The following PCDH15 variants were observed in gnomAD, a reference collection of about 807,000 sequenced individuals.
PCDH15 encodes the protein protocadherin-15.
In PCDH15, 129 loss-of-function variants were observed where a neutral mutation model predicts 178.5. The ratio of observed to expected loss-of-function variants is 0.72; its 90% confidence interval spans 0.63 to 0.84. PCDH15 has a LOEUF of 0.84. Among genes scored for constraint, PCDH15 ranks in the 40% least tolerant of loss-of-function variants. The probability of loss-of-function intolerance (pLI) is 0.00; values close to 1 mark genes in which losing one functional copy is unlikely to be tolerated. For synonymous variants in PCDH15, 800 were observed against 732.0 expected, an observed-to-expected ratio of 1.09 and a Z score of -1.50; for missense variants, 2,230 against 2,099.9, an observed-to-expected ratio of 1.06 and a Z score of -1.21.
intron 1 of PCDH15, among the ~76,000 whole-genome samples, chr10:54,756,162 A>G (rs1947083064): frequency 6.6e-6 from 1 of 152,022 alleles, no homozygotes; most frequent in South Asian, 2.1e-4. Flanking sequence ...AGGCAGGAGA[A>G]TAGTTTGAGC....
chr10:54,741,901 C>T (rs189077646), intron 1 of PCDH15, among the ~76,000 whole-genome samples: 64 of 152,148 alleles, frequency 4.2e-4, no homozygotes, highest in Middle Eastern at 3.4e-3. Context: ...AATCCTAACT[C>T]AATCTTCAAC....
intron 2 of PCDH15, among the ~76,000 whole-genome samples, chr10:55,069,403 A>C: frequency 7.0e-6 from 1 of 143,136 alleles, no homozygotes; most frequent in African/African-American, 2.6e-5. Flanking sequence ...CATTAGGTGT[A>C]TCTCCTAATG....
chr10:53,956,435 G>A (rs896153464), intron 23 of PCDH15, among the ~76,000 whole-genome samples: 3 of 151,974 alleles, frequency 2.0e-5, no homozygotes, highest in Non-Finnish European at 2.9e-5. Flanking sequence ...TTAAAATTTT[G>A]GTTCAAATTT....
At chr10:53,831,567 G>T in intron 29 of PCDH15, 34 bp from the exon 30 acceptor site, 1 of 1,420,988 alleles carries the variant, frequency 7.0e-7, no homozygotes, top group Non-Finnish European at 9.9e-7. Flanking sequence ...AATTAATGAT[G>T]CTAGCAGAGA....
At chr10:54,740,717 A>G (rs192429630) in intron 1 of PCDH15, among the ~76,000 whole-genome samples, 2 of 152,164 alleles carry the variant, frequency 1.3e-5, no homozygotes, top group Non-Finnish European at 2.9e-5. Flanking sequence ...TGTCATTTGC[A>G]GCAACATGGA....
intron 18 of PCDH15, among the ~76,000 whole-genome samples, chr10:54,061,073 G>A (rs1228341319): frequency 6.6e-6 from 1 of 151,978 alleles, no homozygotes; most frequent in Non-Finnish European, 1.5e-5. Context: ...GAGACTTGAG[G>A]GGTCCAGGAC....
At chr10:53,856,741 A>C (rs1380894099) in intron 28 of PCDH15, among the ~76,000 whole-genome samples, 1 of 151,994 alleles carries the variant, frequency 6.6e-6, no homozygotes, top group Non-Finnish European at 1.5e-5. Flanking sequence ...ACATATTTCC[A>C]ATTAGACTTT....
At chr10:53,944,030 A>G (rs944422014) in intron 23 of PCDH15, among the ~76,000 whole-genome samples, 1 of 152,160 alleles carries the variant, frequency 6.6e-6, no homozygotes, top group Non-Finnish European at 1.5e-5. Context: ...GAGTTGGTAT[A>G]AATCAGGATT....
At chr10:55,023,885 AT>A (rs1840403221) in intron 2 of PCDH15, among the ~76,000 whole-genome samples, 1 of 96,074 alleles carries the variant, frequency 1.0e-5, no homozygotes, top group Admixed American at 1.0e-4. Context: ...ATACATGTAT[AT>A]ACACATACAT....
chr10:55,241,023 T>A (rs576653083), intron 1 of PCDH15, among the ~76,000 whole-genome samples: 60 of 152,298 alleles, frequency 3.9e-4, no homozygotes, highest in African/African-American at 1.4e-3. Flanking sequence ...GAGACCATCC[T>A]GGCTAACACA....
chr10:55,371,850 T>A (rs1460509506), intron 2 of PCDH15, among the ~76,000 whole-genome samples: 4 of 152,050 alleles, frequency 2.6e-5, no homozygotes, highest in Non-Finnish European at 4.4e-5. Context: ...TGGAAAAAAA[T>A]TTAATCAGTT....
intron 2 of PCDH15, among the ~76,000 whole-genome samples, chr10:54,909,456 C>T (rs1037761741): frequency 6.6e-6 from 1 of 152,148 alleles, no homozygotes; most frequent in African/African-American, 2.4e-5. Flanking sequence ...AGCACTGCCT[C>T]GAGCATGTGC....
intron 23 of PCDH15, among the ~76,000 whole-genome samples, chr10:53,953,026 C>T (rs2134201173): frequency 6.6e-6 from 1 of 152,338 alleles, no homozygotes; most frequent in African/African-American, 2.4e-5. Context: ...GCACCTGCAC[C>T]TGAGAGCTCT....
chr10:54,625,402 C>T (rs1028234984), intron 2 of PCDH15, among the ~76,000 whole-genome samples: 4 of 152,164 alleles, frequency 2.6e-5, no homozygotes, highest in African/African-American at 9.7e-5. Context: ...TGTGTCCCCA[C>T]CCAAATCTCA....
intron 6 of PCDH15, among the ~76,000 whole-genome samples, chr10:54,333,097 C>T (rs1940202020): frequency 2.0e-5 from 3 of 152,056 alleles, no homozygotes; most frequent in Admixed American, 2.0e-4. Context: ...CATGTGCCAC[C>T]ACATCTGGCT....
intron 1 of PCDH15, among the ~76,000 whole-genome samples, chr10:55,216,392 T>C (rs1330125696): frequency 6.6e-6 from 1 of 151,880 alleles, no homozygotes; most frequent in Non-Finnish European, 1.5e-5. Context: ...AATTTTTAAA[T>C]AAAAATTTAC....
At chr10:55,618,120 AT>A (rs1003653624) in intron 2 of PCDH15, among the ~76,000 whole-genome samples, 7 of 151,850 alleles carry the variant, frequency 4.6e-5, no homozygotes, top group Non-Finnish European at 7.4e-5. Flanking sequence ...AGAATCCAGG[AT>A]TTTTTTTCTA....
chr10:53,953,340 G>C (rs376359505), intron 23 of PCDH15, among the ~76,000 whole-genome samples: 1 of 152,198 alleles, frequency 6.6e-6, no homozygotes, highest in Non-Finnish European at 1.5e-5. Flanking sequence ...ATAAAAGATT[G>C]ATGTGAAAAG....
At chr10:53,878,491 T>A (rs1205951627) in intron 26 of PCDH15, among the ~76,000 whole-genome samples, 18 of 141,034 alleles carry the variant, frequency 1.3e-4, no homozygotes, top group East Asian at 6.0e-4. Flanking sequence ...TATATAAATA[T>A]ATAATATATT....
Sources: allele counts gnomAD v4.1 joint callset (sites outside exome capture counted in the v4.1 genomes callset), GRCh38; gene constraint gnomAD v4.1.1; transcripts MANE v1.5; gene names NCBI Gene and HGNC (gene_info 2026-07-23, HGNC 2026-07-21).